The following SPATA6 variants were observed in gnomAD, a reference collection of about 807,000 sequenced individuals.
The protein encoded by SPATA6 is spermatogenesis associated 6.
In SPATA6, 56 loss-of-function variants were observed where a neutral mutation model predicts 65.3. The ratio of observed to expected loss-of-function variants is 0.86; its 90% CI spans 0.69 to 1.07. SPATA6 has a LOEUF of 1.07. Among genes scored for constraint, SPATA6 ranks in the 50% least tolerant of loss-of-function variants. The probability of loss-of-function intolerance (pLI) is 0.00; values close to 1 mark genes in which losing one functional copy is unlikely to be tolerated. For missense variants in SPATA6, 590 were observed against 594.8 expected (o/e 0.99, Z 0.08); for synonymous variants, 199 against 213.2 (o/e 0.93, Z 0.58).
rs58721253 is a variant in SPATA6, at chr1:48,340,241, T to TA, written c.1194+15428dup. On this transcript the variant is annotated intron_variant, in intron 11 of 12. Transcript: ENST00000371847. ...AAAATTATCCACAGTAGGCCTGCAC[T>TA]AAAAAAAAAAAAAAAAAAAAAAAAA... Among the ~76,000 whole-genome samples the TA allele has an allele frequency of 2.0e-3, 104 of 53,046 alleles. 17 individuals carry two copies. The highest frequency in any genetic ancestry group is 0.015 in the African/African-American group (91 of 5,900). The allele number at this position is 53,046 out of a possible 152,430, so 34.8% of individuals were successfully genotyped here. A position where few individuals can be genotyped will look rare whatever the true frequency, so the allele number is the denominator to read the frequency against.
At position 48,325,764 on chromosome 1, in the gene SPATA6, T is replaced by G. The variant is rs540329778; in HGVS notation, c.1195-19886A>C. On this transcript the variant is annotated intron_variant, in intron 11 of 12. Transcript: ENST00000371847. ...ATCTCGCGCAAGGTGTATGCCCCTG[T>G]GGATGCGTCAAATGAGACCCTGGAA... 51 of 476,060 alleles carry G rather than the reference T, an allele frequency of 1.1e-4. 2 individuals are homozygous for G. Among genetic ancestry groups the G allele is most frequent in the South Asian group, 1.0e-3 (51 of 49,936 alleles). The allele number at this position is 476,060 out of a possible 1,614,324, so 29.5% of individuals were successfully genotyped here. A position where few individuals can be genotyped will look rare whatever the true frequency, so the allele number is the denominator to read the frequency against.
chr1:48,404,493 C>G (rs1459605191), intron 5 of SPATA6, among the ~76,000 whole-genome samples: 1 of 151,948 alleles, frequency 6.6e-6, no homozygotes, highest in Non-Finnish European at 1.5e-5. Context: ...CAGGATACAC[C>G]ACCACATTCA....
rs1653893768 is a variant in SPATA6 at position 48,426,939 on chromosome 1, T to C, written c.239-13788A>G. Among the ~76,000 whole-genome samples, 3 of 152,194 alleles carry C rather than the reference T, an allele frequency of 2.0e-5. No homozygotes were observed. The South Asian group carries it at 6.2e-4, about 32-fold the overall frequency. On this transcript the variant is annotated intron_variant, in intron 3 of 12. Coordinates refer to ENST00000371847, the MANE Select transcript of SPATA6 (RefSeq NM_019073.4). ...AAAAGTCAGTTCAATCTTTTTTTTT[T>C]TTAAGAGATAGGGTCTCACTCTGTA...
At chr1:48,359,831 T>C in intron 9 of SPATA6, 61 bp from the exon 10 acceptor site, 1 of 1,305,556 alleles carries the variant, frequency 7.7e-7, no homozygotes, top group Middle Eastern at 2.7e-4. Context: ...ATATAACATA[T>C]TATATAGTAA....
intron 9 of SPATA6, among the ~76,000 whole-genome samples, chr1:48,377,664 G>A (rs759785925): frequency 2.0e-5 from 3 of 152,204 alleles, no homozygotes; most frequent in Non-Finnish European, 4.4e-5. Flanking sequence ...ATACCCATGA[G>A]TGCAGAGACG....
chr1:48,416,896 T>C (rs1652837164), intron 3 of SPATA6, among the ~76,000 whole-genome samples: 1 of 152,216 alleles, frequency 6.6e-6, no homozygotes, highest in Non-Finnish European at 1.5e-5. Context: ...ATTTAACCAC[T>C]ATTTATGCTT....
intron 1 of SPATA6, among the ~76,000 whole-genome samples, chr1:48,461,638 A>G (rs575832861): frequency 2.4e-4 from 36 of 152,326 alleles, no homozygotes; most frequent in Middle Eastern, 6.8e-3. Context: ...TCAAAACCAC[A>G]ATGAGATACC....
At chr1:48,378,295 C>T (rs1481529145) in intron 9 of SPATA6, among the ~76,000 whole-genome samples, 1 of 152,094 alleles carries the variant, frequency 6.6e-6, no homozygotes, top group Admixed American at 6.5e-5. Flanking sequence ...TTTAAGATGT[C>T]TGTAATGCAG....
chr1:48,278,638 A>G, the SPATA6 span, among the ~76,000 whole-genome samples: 1 of 152,234 alleles, frequency 6.6e-6, no homozygotes, highest in Non-Finnish European at 1.5e-5. Flanking sequence ...GAGGAAAAAG[A>G]ACAAAAAGAA....
chr1:48,312,060 C>T (rs527387488), intron 11 of SPATA6, among the ~76,000 whole-genome samples: 3 of 152,272 alleles, frequency 2.0e-5, no homozygotes, highest in East Asian at 1.9e-4. Context: ...GTAAACAAAG[C>T]GGCCAGGAAG....
At chr1:48,471,323 A>G (rs1658226261) in intron 1 of SPATA6, among the ~76,000 whole-genome samples, 1 of 152,176 alleles carries the variant, frequency 6.6e-6, no homozygotes, top group African/African-American at 2.4e-5. Flanking sequence ...TGGCTGGCAC[A>G]AAGTCGGAAG....
intron 11 of SPATA6, among the ~76,000 whole-genome samples, chr1:48,326,714 C>T (rs1337925910): frequency 1.3e-5 from 2 of 151,858 alleles, no homozygotes; most frequent in Non-Finnish European, 2.9e-5. Flanking sequence ...AAGCCACATA[C>T]CCACAATTAA....
chr1:48,283,048 T>C, the SPATA6 span, among the ~76,000 whole-genome samples: 488 of 151,552 alleles, frequency 3.2e-3, no homozygotes, highest in Admixed American at 5.6e-3. Flanking sequence ...GTGGGTGAAA[T>C]TGGAAATCAT....
chr1:48,448,898 G>A (rs1656310644), intron 3 of SPATA6, among the ~76,000 whole-genome samples: 1 of 152,108 alleles, frequency 6.6e-6, no homozygotes, highest in Non-Finnish European at 1.5e-5. Context: ...GGGACTGACT[G>A]CAAATAGGTA....
At chr1:48,369,739 A>G (rs1359763288) in intron 9 of SPATA6, among the ~76,000 whole-genome samples, 1 of 152,198 alleles carries the variant, frequency 6.6e-6, no homozygotes, top group East Asian at 1.9e-4. Flanking sequence ...CGAGTGAGGC[A>G]ATGCCTCGTC....
intron 4 of SPATA6, among the ~76,000 whole-genome samples, chr1:48,412,189 T>C (rs1362548474): frequency 2.0e-5 from 3 of 152,132 alleles, no homozygotes; most frequent in Admixed American, 2.0e-4. Flanking sequence ...AAAATAAAAA[T>C]TTGATTAATA....
At chr1:48,377,000 T>C (rs1647996498) in intron 9 of SPATA6, among the ~76,000 whole-genome samples, 1 of 152,204 alleles carries the variant, frequency 6.6e-6, no homozygotes, top group Admixed American at 6.5e-5. Context: ...ACCACTTCTT[T>C]TCATTTTTCA....
chr1:48,443,879 T>C (rs866808157), intron 3 of SPATA6, among the ~76,000 whole-genome samples: 4 of 152,320 alleles, frequency 2.6e-5, no homozygotes, highest in Middle Eastern at 3.4e-3. Flanking sequence ...AAGCTACAGA[T>C]GGTCTTACAA....
At chr1:48,325,126 T>A (rs971598916) in intron 11 of SPATA6, 1 of 512,272 alleles carries the variant, frequency 2.0e-6, no homozygotes, top group Non-Finnish European at 3.6e-6. Context: ...AAGCCTCTTT[T>A]GCATACTTAT....
Sources: allele counts gnomAD v4.1 joint callset (sites outside exome capture counted in the v4.1 genomes callset), GRCh38; gene constraint gnomAD v4.1.1; transcripts MANE v1.5; gene names NCBI Gene and HGNC (gene_info 2026-07-23, HGNC 2026-07-21).